DLG2: variants seen among roughly 807,000 people sequenced by gnomAD.
DLG2 encodes the protein discs large MAGUK scaffold protein 2.
Under a neutral mutation model 132.5 loss-of-function variants are expected in DLG2, and 45 were observed. That is an observed-to-expected ratio of 0.34 (90% CI 0.27 to 0.44). The LOEUF is 0.44. Among genes scored for constraint, DLG2 ranks in the 20% least tolerant of loss-of-function variants. DLG2 has a pLI of 1.00. For missense variants in DLG2, 1,045 were observed against 1,196.9 expected (o/e 0.87, Z 1.87); for synonymous variants, 424 against 419.6 (o/e 1.01, Z -0.13).
intron 4 of DLG2, among the ~76,000 whole-genome samples, chr11:85,258,565 T>C (rs185204166): frequency 9.2e-5 from 14 of 152,330 alleles, no homozygotes; most frequent in Admixed American, 7.8e-4. Context: ...TTGACTTTTA[T>C]GCTAAGTGAG....
At chr11:85,334,148 G>T (rs1409283424) in intron 3 of DLG2, among the ~76,000 whole-genome samples, 1 of 151,976 alleles carries the variant, frequency 6.6e-6, no homozygotes, top group Non-Finnish European at 1.5e-5. Context: ...TTTCTTCCTG[G>T]TTCAATCTTG....
intron 4 of DLG2, among the ~76,000 whole-genome samples, chr11:85,204,174 C>T (rs745609334): frequency 1.4e-4 from 22 of 151,918 alleles, no homozygotes; most frequent in Non-Finnish European, 2.5e-4. Flanking sequence ...TAGTAGTAGA[C>T]GTCCTAACCA....
At chr11:85,163,559 C>T (rs2078203773) in intron 4 of DLG2, among the ~76,000 whole-genome samples, 1 of 152,138 alleles carries the variant, frequency 6.6e-6, no homozygotes, top group African/African-American at 2.4e-5. Flanking sequence ...TAGGAGTATT[C>T]AATCTAATAG....
intron 6 of DLG2, among the ~76,000 whole-genome samples, chr11:84,893,173 G>A (rs952471418): frequency 6.6e-6 from 1 of 152,058 alleles, no homozygotes. Flanking sequence ...GTCTCACTCC[G>A]ATCTTTCTCT....
chr11:84,943,279 G>A (rs1444288509), intron 6 of DLG2, among the ~76,000 whole-genome samples: 2 of 151,498 alleles, frequency 1.3e-5, no homozygotes, highest in African/African-American at 2.4e-5. Context: ...ATAAGTGAAG[G>A]CTTATTCCTG....
intron 17 of DLG2, among the ~76,000 whole-genome samples, chr11:83,803,411 T>C (rs1387436333): frequency 1.3e-5 from 2 of 152,094 alleles, no homozygotes; most frequent in Non-Finnish European, 2.9e-5. Context: ...CGTGGCACAA[T>C]CAGGCATAGT....
chr11:83,718,046 C>G (rs1787093090), intron 18 of DLG2, among the ~76,000 whole-genome samples: 1 of 152,136 alleles, frequency 6.6e-6, no homozygotes, highest in South Asian at 2.1e-4. Context: ...TCTGGGGGTC[C>G]ATTATGCTCA....
At chr11:83,526,127 C>T (rs759590852) in intron 21 of DLG2, among the ~76,000 whole-genome samples, 25 of 152,172 alleles carry the variant, frequency 1.6e-4, no homozygotes, top group Non-Finnish European at 3.5e-4. Context: ...GCCCCATCCC[C>T]TCTCTCATAA....
intron 6 of DLG2, among the ~76,000 whole-genome samples, chr11:84,789,282 T>G (rs2073433566): frequency 6.6e-6 from 1 of 152,186 alleles, no homozygotes; most frequent in African/African-American, 2.4e-5. Flanking sequence ...GCTGCAGTGA[T>G]CCTTCCCTAA....
intron 3 of DLG2, among the ~76,000 whole-genome samples, chr11:85,548,290 C>T (rs2076453568): frequency 6.6e-6 from 1 of 152,140 alleles, no homozygotes; most frequent in South Asian, 2.1e-4. Context: ...CACTCCAGAC[C>T]CTGTTTGCCT....
chr11:85,584,514 G>C (rs1267109485), intron 3 of DLG2, among the ~76,000 whole-genome samples: 2 of 152,112 alleles, frequency 1.3e-5, no homozygotes, highest in African/African-American at 2.4e-5. Flanking sequence ...TTTCCTCTAG[G>C]AAGATAACCA....
chr11:85,616,889 C>T (rs192320012), intron 2 of DLG2, among the ~76,000 whole-genome samples: 2 of 152,224 alleles, frequency 1.3e-5, no homozygotes, highest in East Asian at 3.9e-4. Flanking sequence ...TCGGACATAT[C>T]AAATATCTGT....
intron 7 of DLG2, among the ~76,000 whole-genome samples, chr11:84,376,245 A>T (rs1431042890): frequency 6.6e-6 from 1 of 151,922 alleles, no homozygotes; most frequent in African/African-American, 2.4e-5. Flanking sequence ...CTATTTGACA[A>T]ATGTCTTATT....
chr11:85,455,706 CT>C (rs1265085325), intron 3 of DLG2, among the ~76,000 whole-genome samples: 3 of 152,092 alleles, frequency 2.0e-5, no homozygotes, highest in African/African-American at 7.2e-5. Context: ...CCTTCAGTGC[CT>C]AGTTTCTTGA....
At chr11:84,424,162 C>A (rs1362187664) in intron 7 of DLG2, among the ~76,000 whole-genome samples, 6 of 152,052 alleles carry the variant, frequency 3.9e-5, no homozygotes, top group African/African-American at 1.4e-4. Context: ...GACAGTAATC[C>A]TAGTATCTCT....
intron 11 of DLG2, among the ~76,000 whole-genome samples, chr11:83,986,495 T>C (rs12098921): frequency 0.021 from 3,141 of 150,388 alleles, 105 homozygotes; most frequent in African/African-American, 0.073. Context: ...GTCTTTGCTA[T>C]TGTGAATAGT....
chr11:84,425,050 T>C (rs754132722), intron 7 of DLG2, among the ~76,000 whole-genome samples: 1 of 152,128 alleles, frequency 6.6e-6, no homozygotes, highest in Non-Finnish European at 1.5e-5. Flanking sequence ...TAAACTTCCC[T>C]AGGATAGGGA....
intron 19 of DLG2, among the ~76,000 whole-genome samples, chr11:83,616,843 G>C (rs1446177802): frequency 2.6e-5 from 4 of 152,236 alleles, no homozygotes; most frequent in Admixed American, 2.6e-4. Context: ...GTTGGGTCAA[G>C]AGCCATTTTT....
intron 3 of DLG2, among the ~76,000 whole-genome samples, chr11:85,513,776 A>T (rs1410913256): frequency 2.0e-5 from 3 of 151,982 alleles, no homozygotes; most frequent in Non-Finnish European, 4.4e-5. Flanking sequence ...CAAAAAAATA[A>T]CAACACCTAT....
Sources: allele counts gnomAD v4.1 joint callset (sites outside exome capture counted in the v4.1 genomes callset), GRCh38; gene constraint gnomAD v4.1.1; transcripts MANE v1.5; gene names NCBI Gene and HGNC (gene_info 2026-07-23, HGNC 2026-07-21).